ADCY2: variants seen among roughly 807,000 people sequenced by gnomAD.
The protein encoded by ADCY2 is adenylate cyclase type 2.
ADCY2 carries 31 observed loss-of-function variants against 125.2 expected under a neutral mutation model. That is an observed-to-expected ratio of 0.25 (90% CI 0.19 to 0.33). ADCY2 has a LOEUF of 0.33. ADCY2 is among the 10% of genes least tolerant of loss of function. The pLI, the probability that ADCY2 is intolerant of heterozygous loss-of-function variation, is 1.00. For synonymous variants in ADCY2, 512 were observed against 548.4 expected (o/e 0.93, Z 0.93); for missense variants, 904 against 1,418.2 (o/e 0.64, Z 5.82).
chr5:7,651,418 C>T (rs187180236), intron 4 of ADCY2, among the ~76,000 whole-genome samples: 1 of 152,250 alleles, frequency 6.6e-6, no homozygotes, highest in African/African-American at 2.4e-5. Flanking sequence ...ATCCCAAAAC[C>T]TCAAAAGTAG....
intron 3 of ADCY2, among the ~76,000 whole-genome samples, chr5:7,620,051 C>G (rs1737904631): frequency 1.3e-5 from 2 of 152,090 alleles, no homozygotes; most frequent in African/African-American, 4.8e-5. Context: ...TAAAGAGTTG[C>G]TGGAGCAGTT....
chr5:7,560,204 C>T (rs1579573781), intron 3 of ADCY2, among the ~76,000 whole-genome samples: 1 of 152,218 alleles, frequency 6.6e-6, no homozygotes, highest in South Asian at 2.1e-4. Context: ...AACAGCCCTG[C>T]ATTTTGTTTA....
intron 3 of ADCY2, among the ~76,000 whole-genome samples, chr5:7,524,201 G>A (rs191090822): frequency 3.9e-5 from 6 of 152,282 alleles, no homozygotes; most frequent in African/African-American, 1.4e-4. Flanking sequence ...TCAACCTGAA[G>A]TGTAATCACT....
chr5:7,636,620 A>G (rs199720616), intron 4 of ADCY2, among the ~76,000 whole-genome samples: 1 of 152,234 alleles, frequency 6.6e-6, no homozygotes, highest in East Asian at 1.9e-4. Context: ...AGACCAATCT[A>G]AATTTAAAAT....
chr5:7,469,809 C>T (rs1742269697), intron 2 of ADCY2, among the ~76,000 whole-genome samples: 1 of 151,734 alleles, frequency 6.6e-6, no homozygotes, highest in African/African-American at 2.4e-5. Flanking sequence ...AACAAATTCA[C>T]AATAATAACT....
chr5:7,651,282 G>A (rs1739079699), intron 4 of ADCY2, among the ~76,000 whole-genome samples: 1 of 152,128 alleles, frequency 6.6e-6, no homozygotes, highest in South Asian at 2.1e-4. Context: ...GAACTAATAG[G>A]ATAGATGTAT....
intron 1 of ADCY2, among the ~76,000 whole-genome samples, chr5:7,413,443 G>A (rs909320839): frequency 3.3e-5 from 5 of 151,506 alleles, no homozygotes; most frequent in Admixed American, 6.6e-5. Context: ...ACAGGCGCCT[G>A]CCACCACGCG....
chr5:7,768,761 C>A (rs1743470317), intron 17 of ADCY2, among the ~76,000 whole-genome samples: 1 of 152,212 alleles, frequency 6.6e-6, no homozygotes, highest in Non-Finnish European at 1.5e-5. Flanking sequence ...ACAATAGGGT[C>A]TCTCAAATCT....
chr5:7,761,036 G>A (rs573797944), intron 16 of ADCY2, among the ~76,000 whole-genome samples: 1 of 150,462 alleles, frequency 6.6e-6, no homozygotes, highest in Non-Finnish European at 1.5e-5. Flanking sequence ...TTAGCATAAT[G>A]TTCTGCATAT....
chr5:7,717,004 C>T (rs1741612391), intron 11 of ADCY2, among the ~76,000 whole-genome samples, 153 bp from the exon 12 acceptor site: 1 of 152,164 alleles, frequency 6.6e-6, no homozygotes, highest in Non-Finnish European at 1.5e-5. Context: ...ATAATGGATT[C>T]CCTAAATACC....
chr5:7,726,284 G>T lies in ADCY2; in HGVS notation c.1774-880G>T, dbSNP rs531265617. Among the ~76,000 whole-genome samples the T allele has an allele frequency of 6.6e-5, 10 of 152,264 alleles. No individual in the cohort carries two copies. The South Asian group carries it at 2.1e-3, about 32-fold the overall frequency. The stretch of plus-strand genomic sequence containing the variant: ...GGTTGAGAGTCTGAGTTCAGAGCCT[G>T]GTGAAGGTCCTGGTTTCCCATGCAC... On this transcript the variant is annotated intron_variant, in intron 13 of 24. Coordinates refer to ENST00000338316, the MANE Select transcript of ADCY2 (RefSeq NM_020546.3).
intron 20 of ADCY2, chr5:7,801,185 T>C (rs762129995): frequency 6.6e-6 from 1 of 152,224 alleles, no homozygotes; most frequent in Non-Finnish European, 1.5e-5. Context: ...CTTGGAGTTA[T>C]AATACTATTT....
intron 2 of ADCY2, among the ~76,000 whole-genome samples, chr5:7,475,289 G>A (rs1742480268): frequency 6.6e-6 from 1 of 152,210 alleles, no homozygotes; most frequent in South Asian, 2.1e-4. Context: ...CTCCTCTGAG[G>A]GGTCACTGTA....
Position 7,557,135 on chromosome 5 carries a change from T to TTATATATATATATATATATA in ADCY2, c.570+36250_570+36251insTATATATATATATATATATA, listed in dbSNP as rs60652060. 1.7e-3 allele frequency among the ~76,000 whole-genome samples: 129 copies of TTATATATATATATATATATA among 77,530 alleles called. 1 individual carries two copies. The highest frequency in any genetic ancestry group is 4.1e-3 in the African/African-American group (120 of 29,328). 50.9% of individuals were successfully genotyped at this position (77,530 alleles called of 152,430 possible). The stretch of plus-strand genomic sequence containing the variant: ...CTATAAATCATGAAGCAAAAACAGT[T>TTATATATATATATATATATA]TATATATATATATAAACTTTATAGA... On this transcript the variant is annotated intron_variant, in intron 3 of 24. Coordinates refer to ENST00000338316, the MANE Select transcript of ADCY2 (RefSeq NM_020546.3).
intron 3 of ADCY2, among the ~76,000 whole-genome samples, chr5:7,603,364 T>C (rs2126637428): frequency 6.6e-6 from 1 of 152,340 alleles, no homozygotes; most frequent in Non-Finnish European, 1.5e-5. Flanking sequence ...GCCACCCAGG[T>C]TGTGCTGGTG....
chr5:7,490,689 A>C (rs776003431), intron 2 of ADCY2, among the ~76,000 whole-genome samples: 8 of 152,112 alleles, frequency 5.3e-5, no homozygotes, highest in Admixed American at 5.2e-4. Flanking sequence ...ATGCACACAC[A>C]CACAGGCACA....
rs141890817 is a variant in ADCY2, at chr5:7,639,537, C to G, written c.720+13221C>G. Among the ~76,000 whole-genome samples, 454 of 152,234 alleles carry G rather than the reference C, an allele frequency of 3.0e-3. 3 individuals are homozygous for G. The highest frequency in any genetic ancestry group is 9.6e-3 in the African/African-American group (398 of 41,548). On this transcript the variant is annotated intron_variant, in intron 4 of 24. Transcript: ENST00000338316. ...TCTTCCAATACTTTGTACTCCTGAT[C>G]GTTTTTAGCAATCTTTGGACTCCTG...
chr5:7,726,007 G>A (rs1381116339), intron 13 of ADCY2, among the ~76,000 whole-genome samples: 3 of 152,286 alleles, frequency 2.0e-5, no homozygotes, highest in Non-Finnish European at 4.4e-5. Context: ...CAGAGCATGA[G>A]GTAGGGCAAG....
chr5:7,554,287 G>C (rs1371205211), intron 3 of ADCY2, among the ~76,000 whole-genome samples: 1 of 152,138 alleles, frequency 6.6e-6, no homozygotes, highest in Non-Finnish European at 1.5e-5. Context: ...TTTCAATAGA[G>C]GCATTAGTTA....
Sources: allele counts gnomAD v4.1 joint callset (sites outside exome capture counted in the v4.1 genomes callset), GRCh38; gene constraint gnomAD v4.1.1; transcripts MANE v1.5; gene names NCBI Gene and HGNC (gene_info 2026-07-23, HGNC 2026-07-21).